MAGI2: variants seen among roughly 807,000 people sequenced by gnomAD.
MAGI2 encodes membrane associated guanylate kinase, WW and PDZ domain containing 2, also known as membrane-associated guanylate kinase, WW and PDZ domain-containing protein 2.
MAGI2 carries 35 observed loss-of-function variants against 133.3 expected under a neutral mutation model. That is an observed-to-expected ratio of 0.26 (90% confidence interval 0.20 to 0.35). The LOEUF (loss-of-function observed/expected upper bound fraction) is 0.35, where lower values mean the gene tolerates loss of function less well. Among genes scored for constraint, MAGI2 ranks in the 10% least tolerant of loss-of-function variants. The probability of loss-of-function intolerance (pLI) is 1.00; values close to 1 mark genes in which losing one functional copy is unlikely to be tolerated. For missense variants in MAGI2, 1,636 were observed against 1,863.4 expected, an observed-to-expected ratio of 0.88 and a Z score of 2.25; for synonymous variants, 729 against 710.6, an observed-to-expected ratio of 1.03 and a Z score of -0.41.
intron 9 of MAGI2, among the ~76,000 whole-genome samples, chr7:78,278,538 T>A (rs1406458276): frequency 1.3e-5 from 2 of 152,170 alleles, no homozygotes; most frequent in Non-Finnish European, 1.5e-5. Context: ...TAGTTTTATG[T>A]GTCAAGTTGG....
intron 1 of MAGI2, among the ~76,000 whole-genome samples, chr7:79,392,085 A>T (rs898114127): frequency 1.3e-5 from 2 of 151,914 alleles, no homozygotes; most frequent in Non-Finnish European, 2.9e-5. Flanking sequence ...TTCAGCTACC[A>T]CTTATGAGTA....
At chr7:78,558,270 G>A (rs768505413) in intron 3 of MAGI2, among the ~76,000 whole-genome samples, 3 of 152,146 alleles carry the variant, frequency 2.0e-5, no homozygotes, top group African/African-American at 7.2e-5. Flanking sequence ...AAAAAGAAAC[G>A]TGGGTCTTCT....
chr7:78,158,767 A>C (rs563709281), intron 16 of MAGI2, among the ~76,000 whole-genome samples: 1 of 152,310 alleles, frequency 6.6e-6, no homozygotes, highest in East Asian at 1.9e-4. Flanking sequence ...TGTAGGACTA[A>C]CAAATTAGCC....
At chr7:78,331,385 T>C (rs1384015828) in intron 9 of MAGI2, among the ~76,000 whole-genome samples, 1 of 152,146 alleles carries the variant, frequency 6.6e-6, no homozygotes, top group Non-Finnish European at 1.5e-5. Context: ...TATAAAAAAA[T>C]AATGCAGATG....
At chr7:78,776,139 G>A (rs1394120552) in intron 2 of MAGI2, among the ~76,000 whole-genome samples, 1 of 152,148 alleles carries the variant, frequency 6.6e-6, no homozygotes, top group Non-Finnish European at 1.5e-5. Context: ...ACAATGCCTA[G>A]AACTATTATG....
intron 1 of MAGI2, among the ~76,000 whole-genome samples, chr7:79,280,276 TG>T (rs1040402439): frequency 1.3e-5 from 2 of 152,164 alleles, no homozygotes; most frequent in Non-Finnish European, 2.9e-5. Flanking sequence ...ATCAGACACT[TG>T]TAAAGGACAA....
chr7:78,684,784 C>A (rs1816094476), intron 2 of MAGI2, among the ~76,000 whole-genome samples: 1 of 152,004 alleles, frequency 6.6e-6, no homozygotes, highest in South Asian at 2.1e-4. Context: ...GCTATGATAT[C>A]CTCGGCAAAA....
intron 20 of MAGI2, among the ~76,000 whole-genome samples, chr7:78,110,375 A>G (rs1274650660): frequency 6.6e-6 from 1 of 152,218 alleles, no homozygotes; most frequent in African/African-American, 2.4e-5. Flanking sequence ...ACACAAAGAC[A>G]TGGGACACTA....
intron 1 of MAGI2, among the ~76,000 whole-genome samples, chr7:79,092,842 C>T (rs1019383241): frequency 1.3e-5 from 2 of 152,136 alleles, no homozygotes; most frequent in African/African-American, 4.8e-5. Flanking sequence ...CCCCTAATGT[C>T]TTCAGCCACT....
chr7:79,043,595 A>G (rs1453184814), intron 1 of MAGI2, among the ~76,000 whole-genome samples: 1 of 151,320 alleles, frequency 6.6e-6, no homozygotes, highest in Non-Finnish European at 1.5e-5. Context: ...CATACAAAAG[A>G]TCAACAAAAC....
chr7:78,919,587 T>C (rs192549717), intron 2 of MAGI2, among the ~76,000 whole-genome samples: 1 of 152,250 alleles, frequency 6.6e-6, no homozygotes, highest in East Asian at 1.9e-4. Flanking sequence ...CACTTATTCA[T>C]ATTAATTGGA....
At chr7:78,271,801 C>T (rs1794607468) in intron 9 of MAGI2, among the ~76,000 whole-genome samples, 1 of 151,698 alleles carries the variant, frequency 6.6e-6, no homozygotes, top group Non-Finnish European at 1.5e-5. Flanking sequence ...TGGTGATATC[C>T]CCTTTATCAT....
intron 3 of MAGI2, among the ~76,000 whole-genome samples, chr7:78,530,992 A>G (rs1269369949): frequency 6.6e-6 from 1 of 152,144 alleles, no homozygotes; most frequent in Non-Finnish European, 1.5e-5. Context: ...TCCTCAAATC[A>G]CAGTGGAGGT....
At chr7:79,437,133 A>G (rs1563222661) in intron 1 of MAGI2, among the ~76,000 whole-genome samples, 1 of 152,108 alleles carries the variant, frequency 6.6e-6, no homozygotes, top group Non-Finnish European at 1.5e-5. Context: ...TTATAAGTGG[A>G]AGCTAAACAT....
chr7:79,206,154 G>A (rs919400744), intron 1 of MAGI2, among the ~76,000 whole-genome samples: 1 of 150,854 alleles, frequency 6.6e-6, no homozygotes, highest in Non-Finnish European at 1.5e-5. Context: ...ATAACCTAAT[G>A]TTGCATCATA....
At chr7:78,082,384 C>T (rs1262000685) in intron 20 of MAGI2, among the ~76,000 whole-genome samples, 1 of 152,096 alleles carries the variant, frequency 6.6e-6, no homozygotes, top group African/African-American at 2.4e-5. Flanking sequence ...GCTGAAGTCC[C>T]CTCTGTGGGG....
chr7:79,426,846 ACT>A (rs1432986413), intron 1 of MAGI2, among the ~76,000 whole-genome samples: 1 of 152,140 alleles, frequency 6.6e-6, no homozygotes, highest in Non-Finnish European at 1.5e-5. Flanking sequence ...CTTGATTTGA[ACT>A]GCCTTCCTAC....
intron 2 of MAGI2, among the ~76,000 whole-genome samples, chr7:78,726,661 A>G (rs1396972416): frequency 6.6e-6 from 1 of 152,140 alleles, no homozygotes; most frequent in African/African-American, 2.4e-5. Context: ...AACAGAGAAT[A>G]CTTCTCCCAA....
chr7:78,682,336 C>A (rs1408485880), intron 2 of MAGI2, among the ~76,000 whole-genome samples: 1 of 152,066 alleles, frequency 6.6e-6, no homozygotes, highest in Non-Finnish European at 1.5e-5. Context: ...GACCCGTCAT[C>A]TACATTAGGT....
Sources: gnomAD v4.1 joint callset for allele counts (sites outside exome capture counted in the v4.1 genomes callset) on GRCh38, gnomAD v4.1.1 for gene constraint, MANE v1.5 for transcripts, NCBI Gene and HGNC (gene_info 2026-07-23, HGNC 2026-07-21) for gene names.